The following ARMC8 variants were observed in gnomAD, a reference collection of about 807,000 sequenced individuals.
ARMC8 encodes armadillo repeat-containing protein 8.
Under a neutral mutation model 99.3 loss-of-function variants are expected in ARMC8, and 20 were observed. The observed-to-expected ratio is 0.20, with a 90% CI of 0.14 to 0.29. The LOEUF is 0.29. ARMC8 is among the 10% of genes least tolerant of loss of function. The probability of loss-of-function intolerance (pLI) is 1.00; values close to 1 mark genes in which losing one functional copy is unlikely to be tolerated. For synonymous variants in ARMC8, 263 were observed against 278.3 expected (o/e 0.95, Z 0.55); for missense variants, 569 against 809.5 (o/e 0.70, Z 3.60).
intron 1 of ARMC8, among the ~76,000 whole-genome samples, chr3:138,204,336 C>T (rs572234946): frequency 6.6e-6 from 1 of 152,268 alleles, no homozygotes; most frequent in African/African-American, 2.4e-5. Flanking sequence ...TATTCATGAA[C>T]GTTGTTACAG....
At chr3:138,275,982 T>A (rs536977263) in intron 18 of ARMC8, among the ~76,000 whole-genome samples, 3 of 152,104 alleles carry the variant, frequency 2.0e-5, no homozygotes, top group Admixed American at 1.3e-4. Context: ...AAATAAACCA[T>A]TGTACTTTGA....
In ARMC8 at chr3:138,298,131, G is replaced by C. The variant is rs1372978545; in HGVS notation, c.*2239G>C. 1.3e-5 allele frequency: 2 copies of C among 152,274 alleles called. No individual in the cohort carries two copies. The highest frequency in any genetic ancestry group is 2.9e-5 in the Non-Finnish European group (2 of 68,048). The allele number at this position is 152,274 out of a possible 1,614,324, so 9.4% of individuals were successfully genotyped here. On this transcript the variant is annotated 3_prime_UTR_variant, in exon 22 of 22. Coordinates refer to ENST00000469044, the MANE Select transcript of ARMC8 (RefSeq NM_001363941.2). ...TGTTCAGTCAGCAAGGAAGTGGGAAGAGTGGACATGGTATTGTGTCTACAC... is the reference window on the plus strand; with the variant it reads ...TGTTCAGTCAGCAAGGAAGTGGGAACAGTGGACATGGTATTGTGTCTACAC...
chr3:138,214,076 C>T (rs2044863297), intron 2 of ARMC8, among the ~76,000 whole-genome samples: 2 of 151,656 alleles, frequency 1.3e-5, no homozygotes, highest in African/African-American at 2.4e-5. Context: ...CCCTTGAGCC[C>T]AGGAGGTGGA....
At chr3:138,187,707 A>T in intron 1 of ARMC8, 108 bp downstream of exon 1, 7 of 1,220,246 alleles carry the variant, frequency 5.7e-6, no homozygotes, top group East Asian at 2.6e-5. Flanking sequence ...CCTGGGGTGG[A>T]CCCCGGCTCA....
chr3:138,206,533 T>C (rs1382596835), intron 1 of ARMC8, among the ~76,000 whole-genome samples: 1 of 152,260 alleles, frequency 6.6e-6, no homozygotes, highest in African/African-American at 2.4e-5. Context: ...AAAAAAGCTC[T>C]ACCCCTAGGT....
intron 12 of ARMC8, chr3:138,245,551 A>C: frequency 9.1e-7 from 1 of 1,097,318 alleles, no homozygotes; most frequent in Non-Finnish European, 1.1e-6. Flanking sequence ...ATTTATGGAA[A>C]TACCTTCCAA....
At chr3:138,255,493 C>T (rs541630172) in intron 12 of ARMC8, among the ~76,000 whole-genome samples, 6 of 152,060 alleles carry the variant, frequency 3.9e-5, no homozygotes, top group East Asian at 1.9e-4. Flanking sequence ...TGAGCCACCG[C>T]GCAGGGCCAA....
rs186229990 is a variant in ARMC8, at chr3:138,295,174, C to T, written c.1989-685C>T. Among the ~76,000 whole-genome samples the T allele has an allele frequency of 1.5e-3, 221 of 152,276 alleles. 2 individuals carry two copies. Among genetic ancestry groups the T allele is most frequent in the Middle Eastern group, 3.4e-3 (1 of 294 alleles). On this transcript the variant is annotated intron_variant, in intron 21 of 21. Transcript: ENST00000469044. ...TCAGCCTCCCAAAGTGCTGGAATTACAGGTGTGAGCCACAGCACCCGGCCT... is the reference window on the plus strand; with the variant it reads ...TCAGCCTCCCAAAGTGCTGGAATTATAGGTGTGAGCCACAGCACCCGGCCT...
intron 18 of ARMC8, among the ~76,000 whole-genome samples, chr3:138,279,722 A>AT (rs1477799864): frequency 9.2e-5 from 14 of 152,224 alleles, no homozygotes; most frequent in Non-Finnish European, 1.6e-4. Flanking sequence ...TTTAATAGAA[A>AT]TAGGACTACT....
At chr3:138,247,150 G>A (rs555200075) in intron 12 of ARMC8, among the ~76,000 whole-genome samples, 1 of 152,134 alleles carries the variant, frequency 6.6e-6, no homozygotes, top group Non-Finnish European at 1.5e-5. Context: ...TCTTTTGAGT[G>A]CATTTCTTTT....
chr3:138,218,721 GC>G (rs1559940714), intron 2 of ARMC8, among the ~76,000 whole-genome samples: 1 of 152,034 alleles, frequency 6.6e-6, no homozygotes, highest in Non-Finnish European at 1.5e-5. Flanking sequence ...CTCAGACCAG[GC>G]ATCCCATTGT....
intron 10 of ARMC8, 112 bp from the exon 11 acceptor site, chr3:138,241,670 AT>A: frequency 1.1e-6 from 1 of 916,400 alleles, no homozygotes; most frequent in East Asian, 2.6e-5. Flanking sequence ...AGTAAAGGAA[AT>A]ATATGATCAT....
At chr3:138,195,622 A>G (rs1261715398) in intron 1 of ARMC8, among the ~76,000 whole-genome samples, 1 of 152,138 alleles carries the variant, frequency 6.6e-6, no homozygotes, top group Non-Finnish European at 1.5e-5. Context: ...ATGTTTTTCA[A>G]TTCTGATTTG....
chr3:138,217,172 A>G (rs1366317685), intron 2 of ARMC8, among the ~76,000 whole-genome samples: 2 of 152,150 alleles, frequency 1.3e-5, no homozygotes, highest in South Asian at 2.1e-4. Context: ...CTAATGATGC[A>G]TTTCTCAGAA....
intron 12 of ARMC8, among the ~76,000 whole-genome samples, chr3:138,257,083 G>C (rs1259251308): frequency 6.6e-6 from 1 of 152,130 alleles, no homozygotes; most frequent in Non-Finnish European, 1.5e-5. Flanking sequence ...ACATTATTCA[G>C]CCTAAAAATG....
chr3:138,218,528 C>T (rs1325388225), intron 2 of ARMC8, among the ~76,000 whole-genome samples: 1 of 152,160 alleles, frequency 6.6e-6, no homozygotes, highest in Non-Finnish European at 1.5e-5. Flanking sequence ...TTTTGTCCTC[C>T]CATCTGCTTA....
At chr3:138,193,381 C>T (rs1447424177) in intron 1 of ARMC8, among the ~76,000 whole-genome samples, 1 of 152,204 alleles carries the variant, frequency 6.6e-6, no homozygotes, top group Non-Finnish European at 1.5e-5. Context: ...GGGCCTCTGC[C>T]TCCCAAGTAG....
At chr3:138,264,794 C>G (rs1251554755) in intron 14 of ARMC8, among the ~76,000 whole-genome samples, 4 of 146,520 alleles carry the variant, frequency 2.7e-5, no homozygotes, top group Admixed American at 1.3e-4. Flanking sequence ...ACACCTTAAC[C>G]TTATATCCAG....
intron 1 of ARMC8, among the ~76,000 whole-genome samples, chr3:138,204,386 T>C (rs1455396482): frequency 6.6e-6 from 1 of 152,250 alleles, no homozygotes; most frequent in Non-Finnish European, 1.5e-5. Context: ...GTCTTCTCTA[T>C]TAAAACATTT....
Sources: gnomAD v4.1 joint callset for allele counts (sites outside exome capture counted in the v4.1 genomes callset) on GRCh38, gnomAD v4.1.1 for gene constraint, MANE v1.5 for transcripts, NCBI Gene and HGNC (gene_info 2026-07-23, HGNC 2026-07-21) for gene names.